Variants in PLA2R1 observed in about 807,000 individuals in gnomAD.
PLA2R1 encodes phospholipase A2 receptor 1, also known as secretory phospholipase A2 receptor.
Under a neutral mutation model 195.9 loss-of-function variants are expected in PLA2R1, and 158 were observed. The observed-to-expected ratio is 0.81, with a 90% confidence interval of 0.71 to 0.92. The LOEUF is 0.92. Among genes scored for constraint, PLA2R1 ranks in the 40% least tolerant of loss-of-function variants. The pLI, the probability that PLA2R1 is intolerant of heterozygous loss-of-function variation, is 0.00. For missense variants in PLA2R1, 1,626 were observed against 1,764.6 expected, an observed-to-expected ratio of 0.92 and a Z score of 1.41; for synonymous variants, 586 against 598.2, an observed-to-expected ratio of 0.98 and a Z score of 0.30.
intron 13 of PLA2R1, among the ~76,000 whole-genome samples, chr2:159,982,427 T>C (rs571080114): frequency 6.6e-6 from 1 of 152,314 alleles, no homozygotes; most frequent in South Asian, 2.1e-4. Context: ...GCATTTCCCG[T>C]AGGGACTAGC....
intron 1 of PLA2R1, among the ~76,000 whole-genome samples, chr2:160,058,690 A>G (rs146371861): frequency 0.033 from 5,095 of 152,142 alleles, 400 homozygotes; most frequent in Admixed American, 0.19. Flanking sequence ...AGTGTGTCTT[A>G]GCACTTGCTA....
intron 3 of PLA2R1, among the ~76,000 whole-genome samples, chr2:160,040,565 A>C (rs1050641448): frequency 6.6e-6 from 1 of 152,218 alleles, no homozygotes; most frequent in African/African-American, 2.4e-5. Flanking sequence ...CACCCACTGC[A>C]TCTCTGGAAG....
chr2:159,967,635 G>A lies in PLA2R1; in HGVS notation c.2808C>T (p.Ile936=). 6.2e-7 allele frequency: 1 copy of A among 1,613,630 alleles called. No homozygotes were observed. The highest frequency in any genetic ancestry group is 1.7e-5 in the Admixed American group (1 of 60,002). The part of the protein sequence containing the change: ...SEECSVSMPS[I]CKRKKVWLIE... ...TGAGCCAAACCTTTTTTCGCTTACA[G>A]ATACTAGGCATAGAAACTGAACACT... The change falls in exon 20 of 30, where the codon ATC becomes ATT. Residue 936 remains isoleucine, a synonymous_variant. Transcript: ENST00000283243.
intron 25 of PLA2R1, among the ~76,000 whole-genome samples, chr2:159,948,077 T>C (rs1427947096): frequency 6.6e-6 from 1 of 152,136 alleles, no homozygotes; most frequent in Non-Finnish European, 1.5e-5. Flanking sequence ...CAGAGGGACT[T>C]TATTTCAGAG....
chr2:159,936,343 GT>G lies in PLA2R1; in HGVS notation c.*5434del, dbSNP rs1686833185. ...TGAGTTGTCATTTCAATTATTGTTA[GT>G]ATACAATTGATCAGAACAAAATAAA... On this transcript the variant is annotated 3_prime_UTR_variant, in exon 30 of 30. Transcript: ENST00000283243. The G allele has an allele frequency of 6.6e-6, 1 of 152,062 alleles. No individual in the cohort carries two copies. Among genetic ancestry groups the G allele is most frequent in the Non-Finnish European group, 1.5e-5 (1 of 68,008 alleles). The allele number at this position is 152,062 out of a possible 1,614,324, so 9.4% of individuals were successfully genotyped here.
intron 1 of PLA2R1, among the ~76,000 whole-genome samples, chr2:160,048,777 A>G (rs1202053640): frequency 6.6e-6 from 1 of 151,520 alleles, no homozygotes; most frequent in Non-Finnish European, 1.5e-5. Flanking sequence ...AAATGTTATT[A>G]TACTTCCCTT....
chr2:160,049,605 C>T (rs1695096407), intron 1 of PLA2R1, among the ~76,000 whole-genome samples: 1 of 152,070 alleles, frequency 6.6e-6, no homozygotes. Context: ...TGGTGGCTCA[C>T]ACCTGTAATC....
intron 7 of PLA2R1, among the ~76,000 whole-genome samples, chr2:160,022,315 A>T (rs961598653): frequency 6.6e-6 from 1 of 151,938 alleles, no homozygotes; most frequent in Non-Finnish European, 1.5e-5. Flanking sequence ...GGTTCCCTTT[A>T]TTATGTGGAT....
rs1044093490 is a variant in PLA2R1 at position 160,049,088 on chromosome 2, G to A, written c.110-3931C>T. On this transcript the variant is annotated intron_variant, in intron 1 of 29. Coordinates refer to ENST00000283243, the MANE Select transcript of PLA2R1 (RefSeq NM_007366.5). The stretch of plus-strand genomic sequence containing the variant: ...GATCTCCTGACCTCGTGATCCGCCC[G>A]CCTCGGCCTCCCAAAGTGCTGGGAT... Among the ~76,000 whole-genome samples, 7 of 151,986 alleles carry A rather than the reference G, an allele frequency of 4.6e-5. 1 individual carries two copies. The highest frequency in any genetic ancestry group is 2.1e-4 in the South Asian group (1 of 4,816).
intron 3 of PLA2R1, among the ~76,000 whole-genome samples, chr2:160,036,643 G>A (rs1426848415): frequency 6.6e-6 from 1 of 152,174 alleles, no homozygotes; most frequent in Non-Finnish European, 1.5e-5. Context: ...GTCCTCTTCA[G>A]GTGCCTCTGC....
intron 20 of PLA2R1, among the ~76,000 whole-genome samples, chr2:159,963,625 A>G (rs978996663): frequency 6.6e-6 from 1 of 152,230 alleles, no homozygotes; most frequent in Admixed American, 6.5e-5. Flanking sequence ...ATGGCTAACA[A>G]GCACATGAAA....
At chr2:160,040,045 T>C (rs965182159) in intron 3 of PLA2R1, among the ~76,000 whole-genome samples, 10 of 151,966 alleles carry the variant, frequency 6.6e-5, no homozygotes, top group Admixed American at 6.6e-5. Context: ...ATGACCTCTA[T>C]TGGGGATGGA....
chr2:159,994,931 G>A (rs943933426), intron 11 of PLA2R1, among the ~76,000 whole-genome samples: 6 of 152,136 alleles, frequency 3.9e-5, no homozygotes, highest in Non-Finnish European at 7.4e-5. Flanking sequence ...GCAAATGTAC[G>A]ACTGTGGTGT....
intron 20 of PLA2R1, among the ~76,000 whole-genome samples, chr2:159,964,029 C>T (rs1035739970): frequency 6.6e-6 from 1 of 152,136 alleles, no homozygotes; most frequent in Non-Finnish European, 1.5e-5. Flanking sequence ...TTCACACACA[C>T]ACACACGCCC....
chr2:160,022,853 T>G lies in PLA2R1; in HGVS notation c.1106A>C (p.Asp369Ala). The G allele has an allele frequency of 1.3e-6, 2 of 1,583,384 alleles. No individual in the cohort carries two copies. Among genetic ancestry groups the G allele is most frequent in the Non-Finnish European group, 1.7e-6 (2 of 1,164,372 alleles). The stretch of plus-strand genomic sequence containing the variant: ...GTGGGTAGCATAATATTTCCACGCA[T>G]CTTTTTCTTTTTAAACCAACAAAAA... ...NHIDHEIVEK[D>A]AWKYYATHCE... Residue 369 changes from aspartate (D) to alanine (A), a missense_variant, in exon 7 of 30, where the codon GAT (aspartate) becomes GCT (alanine). By Grantham distance (126) the Asp-to-Ala change is moderately radical. Coordinates refer to ENST00000283243, the MANE Select transcript of PLA2R1 (RefSeq NM_007366.5).
intron 25 of PLA2R1, among the ~76,000 whole-genome samples, chr2:159,948,557 A>G (rs1397663125): frequency 2.0e-5 from 3 of 151,122 alleles, no homozygotes; most frequent in African/African-American, 7.3e-5. Flanking sequence ...AGAAGTTTCA[A>G]TGAGTTAGAG....
chr2:159,979,676 C>T (rs1474580870), intron 14 of PLA2R1, among the ~76,000 whole-genome samples, 154 bp downstream of exon 14: 1 of 152,114 alleles, frequency 6.6e-6, no homozygotes, highest in Admixed American at 6.6e-5. Flanking sequence ...TTTCTCAGGA[C>T]CTTGCCAAAT....
chr2:160,022,324 A>G (rs1377354099), intron 7 of PLA2R1, among the ~76,000 whole-genome samples: 2 of 151,942 alleles, frequency 1.3e-5, no homozygotes, highest in Non-Finnish European at 2.9e-5. Flanking sequence ...TATTATGTGG[A>G]TTACATGTTA....
At position 160,022,854 on chromosome 2, in the gene PLA2R1, CT is replaced by C; in HGVS notation, c.1104del (p.Asp369MetfsTer45). 6.3e-7 allele frequency: 1 copy of C among 1,582,558 alleles called. No homozygotes were observed. Among genetic ancestry groups the C allele is most frequent in the Non-Finnish European group, 8.6e-7 (1 of 1,163,858 alleles). ...TGGGTAGCATAATATTTCCACGCAT[CT>C]TTTTCTTTTTAAACCAACAAAAAAC... ...LNHIDHEIVE[K>X]DAWKYYATHC... On this transcript the variant is annotated frameshift_variant, in exon 7 of 30. Transcript: ENST00000283243. LOFTEE classifies it high-confidence loss of function.
Sources: allele counts gnomAD v4.1 joint callset (sites outside exome capture counted in the v4.1 genomes callset), GRCh38; gene constraint gnomAD v4.1.1; transcripts MANE v1.5; gene names NCBI Gene and HGNC (gene_info 2026-07-23, HGNC 2026-07-21).